The following NBEA variants were observed in gnomAD, a reference collection of about 807,000 sequenced individuals.
NBEA encodes the protein lysosomal-trafficking regulator 2.
Under a neutral mutation model 343.4 loss-of-function variants are expected in NBEA, and 44 were observed. That is an observed-to-expected ratio of 0.13 (90% CI 0.10 to 0.16). The LOEUF is 0.16. Ranked by LOEUF, NBEA falls within the 10% of genes least tolerant of loss-of-function variation. NBEA has a pLI of 1.00. For synonymous variants in NBEA, 1,175 were observed against 1,238.7 expected, an observed-to-expected ratio of 0.95 and a Z score of 1.08; for missense variants, 2,555 against 3,631.3, an observed-to-expected ratio of 0.70 and a Z score of 7.62.
intron 45 of NBEA, among the ~76,000 whole-genome samples, chr13:35,573,394 T>C (rs1375401614): frequency 1.3e-5 from 2 of 152,142 alleles, no homozygotes; most frequent in Non-Finnish European, 2.9e-5. Context: ...CTGTTCTCCT[T>C]CTAATTGAAA....
At chr13:35,025,398 C>G (rs899614450) in intron 1 of NBEA, among the ~76,000 whole-genome samples, 1 of 151,990 alleles carries the variant, frequency 6.6e-6, no homozygotes, top group Non-Finnish European at 1.5e-5. Flanking sequence ...AGCCAGTTAC[C>G]CCAGCACCAT....
chr13:35,568,955 T>A (rs1423815620), intron 45 of NBEA, among the ~76,000 whole-genome samples: 2 of 152,328 alleles, frequency 1.3e-5, no homozygotes, highest in East Asian at 3.9e-4. Flanking sequence ...TTTCTCTTTG[T>A]CTTAATTTCC....
Position 35,177,092 on chromosome 13 carries a change from T to G in NBEA, c.4651T>G (p.Phe1551Val). The change falls in exon 28 of 59, where the codon TTT (phenylalanine) becomes GTT (valine). Residue 1551 changes from phenylalanine to valine, a missense_variant. Phe to Val is a conservative substitution (Grantham distance 50, BLOSUM62 -1). Coordinates refer to ENST00000379939, the MANE Select transcript of NBEA (RefSeq NM_001385012.1). ...VDINRLRAVV[F>V]RDVDDSKQAQ... is the part of the protein sequence containing the mutation. ...TATCAATCGCCTTCGTGCTGTTGTC[T>G]TTCGGGATGTGGTAAGTTATACCTG... 1 of 1,596,752 alleles carries G rather than the reference T, an allele frequency of 6.3e-7. No individual in the cohort carries two copies. The highest frequency in any genetic ancestry group is 8.5e-7 in the Non-Finnish European group (1 of 1,169,892).
chr13:35,401,308 C>A (rs963224224), intron 38 of NBEA, among the ~76,000 whole-genome samples: 2 of 151,892 alleles, frequency 1.3e-5, no homozygotes, highest in Non-Finnish European at 2.9e-5. Flanking sequence ...ACTGAGCTAA[C>A]GTGCTTAACA....
rs1472862751 is a variant in NBEA at position 35,161,850 on chromosome 13, G to T, written c.3962G>T (p.Ser1321Ile). The T allele has an allele frequency of 6.2e-7, 1 of 1,610,536 alleles. No individual in the cohort carries two copies. Among genetic ancestry groups the T allele is most frequent in the South Asian group, 1.1e-5 (1 of 90,148 alleles). ...PMTEEQRRQF[S>I]PGPRTTMFRI... ...ACTGAGGAACAGCGACGCCAGTTTA[G>T]CCCAGGTCCACGGACTACAATGTTT... Residue 1321 changes from serine (S) to isoleucine (I), a missense_variant, in exon 23 of 59, where the codon AGC becomes ATC. Physicochemically the swap from Ser to Ile is moderately radical, Grantham distance 142. Around this residue, in one of 21 missense-constraint regions of NBEA, gnomAD observed 69 missense variants for 128.8 expected, o/e 0.54. Coordinates refer to ENST00000379939, the MANE Select transcript of NBEA (RefSeq NM_001385012.1).
chr13:35,098,145 C>A (rs554129527), intron 10 of NBEA, among the ~76,000 whole-genome samples, 152 bp from the exon 11 acceptor site: 3 of 152,170 alleles, frequency 2.0e-5, no homozygotes, highest in Admixed American at 2.0e-4. Context: ...GAAATATATT[C>A]TTTCATAATA....
chr13:35,362,023 T>C (rs1268322347), intron 38 of NBEA, among the ~76,000 whole-genome samples: 1 of 151,980 alleles, frequency 6.6e-6, no homozygotes, highest in Admixed American at 6.6e-5. Context: ...TAAGTCAGAA[T>C]GTGAATTTTA....
At chr13:34,951,937 A>G (rs2059362241) in intron 1 of NBEA, among the ~76,000 whole-genome samples, 1 of 152,256 alleles carries the variant, frequency 6.6e-6, no homozygotes, top group East Asian at 1.9e-4. Flanking sequence ...ATTAGCCTAT[A>G]GTTTAATAGC....
At chr13:35,402,235 G>T (rs1433171482) in intron 38 of NBEA, among the ~76,000 whole-genome samples, 4 of 151,842 alleles carry the variant, frequency 2.6e-5, no homozygotes, top group Non-Finnish European at 2.9e-5. Flanking sequence ...CTGTTATGCT[G>T]ATCTTTAGAA....
intron 41 of NBEA, among the ~76,000 whole-genome samples, chr13:35,536,549 G>C (rs182856020): frequency 2.6e-4 from 39 of 152,120 alleles, no homozygotes; most frequent in Admixed American, 1.0e-3. Context: ...AAAGAACAGA[G>C]ACATGAAAGT....
intron 38 of NBEA, among the ~76,000 whole-genome samples, chr13:35,423,145 T>C (rs1244936669): frequency 6.6e-6 from 1 of 152,200 alleles, no homozygotes; most frequent in Non-Finnish European, 1.5e-5. Flanking sequence ...AGAAGCTCTT[T>C]AGTTTAATTA....
chr13:34,942,804 C>A lies in NBEA; in HGVS notation c.-17C>A. The A allele has an allele frequency of 7.4e-7, 1 of 1,355,210 alleles. No homozygotes were observed. Among genetic ancestry groups the A allele is most frequent in the South Asian group, 1.7e-5 (1 of 58,942 alleles). The allele number at this position is 1,355,210 out of a possible 1,614,324, so 83.9% of individuals were successfully genotyped here. On this transcript the variant is annotated 5_prime_UTR_variant, in exon 1 of 59. Coordinates refer to ENST00000379939, the MANE Select transcript of NBEA (RefSeq NM_001385012.1). ...GGCAGCGCCGCTGCTCTTCCCTTCT[C>A]CTCAGGAGGGGGGCCAATGGCTAGC...
chr13:35,397,075 T>C (rs1041336040), intron 38 of NBEA, among the ~76,000 whole-genome samples: 5 of 152,158 alleles, frequency 3.3e-5, no homozygotes, highest in Non-Finnish European at 7.4e-5. Context: ...CAAAGTAAGA[T>C]AAAGTAAAAA....
At chr13:35,002,771 C>T (rs115192205) in intron 1 of NBEA, among the ~76,000 whole-genome samples, 343 of 152,198 alleles carry the variant, frequency 2.3e-3, no homozygotes, top group African/African-American at 8.0e-3. Context: ...AAATCTGTTT[C>T]GGGATGCCAT....
chr13:35,612,163 C>T lies in NBEA; in HGVS notation c.7449+5585C>T, dbSNP rs547399585. 2.3e-3 allele frequency among the ~76,000 whole-genome samples: 349 copies of T among 150,816 alleles called. 1 individual carries two copies. The highest frequency in any genetic ancestry group is 7.1e-3 in the Admixed American group (108 of 15,138). On this transcript the variant is annotated intron_variant, in intron 48 of 58. Coordinates refer to ENST00000379939, the MANE Select transcript of NBEA (RefSeq NM_001385012.1). ...TTCTTTTTTTTTTGAGACAGAGTCT[C>T]GCTCTGTCGCCCAGGCTGGAGTGCA...
At chr13:35,408,793 A>T (rs568138979) in intron 38 of NBEA, among the ~76,000 whole-genome samples, 1 of 152,210 alleles carries the variant, frequency 6.6e-6, no homozygotes, top group African/African-American at 2.4e-5. Flanking sequence ...CAATACCACA[A>T]TGAGACACCA....
At chr13:34,993,171 A>C (rs905610372) in intron 1 of NBEA, among the ~76,000 whole-genome samples, 1 of 152,060 alleles carries the variant, frequency 6.6e-6, no homozygotes, top group Non-Finnish European at 1.5e-5. Flanking sequence ...TTTCTGCTTT[A>C]ATTTCTCCTC....
At chr13:35,341,376 C>CA (rs959812574) in intron 36 of NBEA, among the ~76,000 whole-genome samples, 31 of 150,766 alleles carry the variant, frequency 2.1e-4, no homozygotes, top group Non-Finnish European at 3.8e-4. Flanking sequence ...AAAGGACAAG[C>CA]AAAAAAAAGT....
At chr13:34,949,948 A>G (rs2059299134) in intron 1 of NBEA, among the ~76,000 whole-genome samples, 1 of 152,178 alleles carries the variant, frequency 6.6e-6, no homozygotes, top group Admixed American at 6.5e-5. Flanking sequence ...TATGTATGAA[A>G]AGAAGTGAGT....
Sources: allele counts gnomAD v4.1 joint callset (sites outside exome capture counted in the v4.1 genomes callset), GRCh38; gene constraint gnomAD v4.1.1; regional missense constraint gnomAD v4.1.1; transcripts MANE v1.5; gene names NCBI Gene and HGNC (gene_info 2026-07-23, HGNC 2026-07-21).